ZNF99: variants seen among roughly 807,000 people sequenced by gnomAD.
ZNF99 encodes the protein zinc finger protein ENSP00000375192.
In ZNF99, 8 loss-of-function variants were observed where a neutral mutation model predicts 12.8. That is an observed-to-expected ratio of 0.62 (90% CI 0.37 to 1.13). The LOEUF is 1.13. Among genes scored for constraint, ZNF99 ranks in the 50% most tolerant of loss-of-function variants. The probability of loss-of-function intolerance (pLI) is 0.02; values close to 1 mark genes in which losing one functional copy is unlikely to be tolerated. For synonymous variants in ZNF99, 318 were observed against 319.0 expected (o/e 1.00, Z 0.03); for missense variants, 1,007 against 1,006.2 (o/e 1.00, Z -0.01).
intron 1 of ZNF99, among the ~76,000 whole-genome samples, chr19:22,769,754 C>A (rs1973245269): frequency 6.9e-6 from 1 of 144,892 alleles, no homozygotes; most frequent in African/African-American, 2.5e-5. Context: ...GAGCTAGACT[C>A]TGTCTCAAAA....
At position 22,759,298 on chromosome 19, in the gene ZNF99, T is replaced by A. The variant is rs1187120272; in HGVS notation, c.611A>T (p.Glu204Val). 1 of 1,549,792 alleles carries A rather than the reference T, an allele frequency of 6.5e-7. No individual in the cohort carries two copies. The change falls in exon 4 of 4, where the codon GAA becomes GTA. Residue 204 changes from glutamate (E) to valine (V), a missense_variant. By Grantham distance (121) the Glu-to-Val change is moderately radical. Transcript: ENST00000596209. The stretch of plus-strand genomic sequence containing the variant: ...CCATTTAAAGGCTTTGCCACGTTCT[T>A]CACATTTGTAGATATTCTCTCTAGT... ...IHTRENIYKC[E>V]ERGKAFKWFS...
intron 1 of ZNF99, among the ~76,000 whole-genome samples, chr19:22,780,556 T>C (rs564910564): frequency 6.6e-6 from 1 of 152,136 alleles, no homozygotes; most frequent in South Asian, 2.1e-4. Context: ...AGCGGCGTGG[T>C]GGCACATATC....
chr19:22,756,590 G>A lies in ZNF99; in HGVS notation c.*724C>T. 1.3e-6 allele frequency: 2 copies of A among 1,598,522 alleles called. No individual in the cohort carries two copies. The highest frequency in any genetic ancestry group is 1.7e-5 in the Admixed American group (1 of 59,460). On this transcript the variant is annotated 3_prime_UTR_variant, in exon 4 of 4. Coordinates refer to ENST00000596209, the MANE Select transcript of ZNF99 (RefSeq NM_001080409.3). ...TTATGTTTAGTAAGGTGTGAGGATT[G>A]CTTAAAAGCTTTGCCACATTCTTCA... is the stretch of plus-strand genomic sequence containing the variant.
intron 1 of ZNF99, among the ~76,000 whole-genome samples, chr19:22,776,529 T>C (rs1477545108): frequency 7.2e-6 from 1 of 138,028 alleles, no homozygotes; most frequent in Non-Finnish European, 1.6e-5. Context: ...CACAATGATA[T>C]ACCATCTCAT....
In ZNF99 at chr19:22,756,298, C is replaced by T. The variant is rs762738760; in HGVS notation, c.*1016G>A. 2 of 1,574,508 alleles carry T rather than the reference C, an allele frequency of 1.3e-6. No individual in the cohort carries two copies. Among genetic ancestry groups the T allele is most frequent in the Non-Finnish European group, 1.7e-6 (2 of 1,160,120 alleles). On this transcript the variant is annotated 3_prime_UTR_variant, in exon 4 of 4. Coordinates refer to ENST00000596209, the MANE Select transcript of ZNF99 (RefSeq NM_001080409.3). ...CACATTCTTCACATTTGTAGGTTTT[C>T]CCTCCAGTATGAATTGTTTTATGTT...
chr19:22,756,062 G>T lies in ZNF99; in HGVS notation c.*1252C>A. The stretch of plus-strand genomic sequence containing the variant: ...GTGGGGTTTCTCTCCAGCATGAATT[G>T]TTTTCTGCCTATTAAGGCTTGAGGA... On this transcript the variant is annotated 3_prime_UTR_variant, in exon 4 of 4. Transcript: ENST00000596209. 3.1e-6 allele frequency: 4 copies of T among 1,289,778 alleles called. No individual in the cohort carries two copies. Among genetic ancestry groups the T allele is most frequent in the South Asian group, 1.3e-5 (1 of 79,716 alleles). 79.9% of individuals were successfully genotyped at this position (1,289,778 alleles called of 1,614,324 possible).
intron 1 of ZNF99, among the ~76,000 whole-genome samples, chr19:22,780,306 T>G (rs187510644): frequency 3.3e-5 from 5 of 152,300 alleles, no homozygotes; most frequent in Non-Finnish European, 7.4e-5. Flanking sequence ...GGAAGGAAAT[T>G]TTAAGGTGCT....
rs775118650 is a variant in ZNF99 at position 22,759,180 on chromosome 19, C to CA, written c.728dup (p.Met243IlefsTer4). On this transcript the variant is annotated frameshift_variant, in exon 4 of 4. Coordinates refer to ENST00000596209, the MANE Select transcript of ZNF99 (RefSeq NM_001080409.3). LOFTEE classifies it low-confidence loss of function (END_TRUNC). ...TATGAATTATCTTACATTTAGTGAA[C>CA]ATTGAAGAGATGTTAAAAGCTTTGC... The CA allele has an allele frequency of 1.2e-5, 19 of 1,592,758 alleles. No individual in the cohort carries two copies. The East Asian group carries it at 3.4e-4, about 29-fold the overall frequency.
rs1973271377 is a variant in ZNF99 at position 22,771,612 on chromosome 19, C to T, written c.4-2288G>A. Among the ~76,000 whole-genome samples, 4 of 151,036 alleles carry T rather than the reference C, an allele frequency of 2.6e-5. No individual in the cohort carries two copies. In the Admixed American group the frequency reaches 2.7e-4, roughly 10 times the overall value. On this transcript the variant is annotated intron_variant, in intron 1 of 3. Transcript: ENST00000596209. ...AGCTAATGGAGAACACAGATGGAGC[C>T]TCAACATTACATGTTCTACTTTTTC...
chr19:22,776,708 C>A (rs891005061), intron 1 of ZNF99, among the ~76,000 whole-genome samples: 7 of 152,176 alleles, frequency 4.6e-5, no homozygotes, highest in Non-Finnish European at 1.0e-4. Context: ...GACCCGGCAA[C>A]CTCATAATTG....
chr19:22,758,214 G>T lies in ZNF99; in HGVS notation c.1695C>A (p.Tyr565Ter). 2 of 1,613,638 alleles carry T rather than the reference G, an allele frequency of 1.2e-6. No homozygotes were observed. The highest frequency in any genetic ancestry group is 1.7e-6 in the Non-Finnish European group (2 of 1,179,788). ...HKIIHTGKKP[Y>*]KCEECGKAFK... ...AAGCTTTGCCACATTCTTCACATTT[G>T]TATGGTTTCTTCCCAGTATGAATTA... Residue 565 changes from tyrosine to a stop codon, truncating the protein, a stop_gained, in exon 4 of 4, where the codon TAC becomes TAA. Transcript: ENST00000596209. LOFTEE classifies it low-confidence loss of function (END_TRUNC).
At chr19:22,771,672 T>C (rs986136017) in intron 1 of ZNF99, among the ~76,000 whole-genome samples, 1 of 149,812 alleles carries the variant, frequency 6.7e-6, no homozygotes, top group Non-Finnish European at 1.5e-5. Context: ...ATAGGAATCT[T>C]GAGTATCCAC....
chr19:22,754,736 G>A lies in ZNF99; in HGVS notation c.*2578C>T, dbSNP rs1464583962. 10 of 264,640 alleles carry A rather than the reference G, an allele frequency of 3.8e-5. No homozygotes were observed. The highest frequency in any genetic ancestry group is 2.4e-4 in the South Asian group (6 of 24,984). 16.4% of individuals were successfully genotyped at this position (264,640 alleles called of 1,614,324 possible). ...TTAAAAGCTTTGCAACATTCTTCACGTTTGTAGGGTTTCTCTTCAGTATAA... is the reference window on the plus strand; with the variant it reads ...TTAAAAGCTTTGCAACATTCTTCACATTTGTAGGGTTTCTCTTCAGTATAA... On this transcript the variant is annotated 3_prime_UTR_variant, in exon 4 of 4. Transcript: ENST00000596209.
At chr19:22,777,909 G>A (rs1021278982) in intron 1 of ZNF99, among the ~76,000 whole-genome samples, 3 of 151,534 alleles carry the variant, frequency 2.0e-5, no homozygotes, top group African/African-American at 7.3e-5. Flanking sequence ...GATGGCAGCA[G>A]TGGAAAAAGG....
Position 22,784,052 on chromosome 19 carries a change from T to G in ZNF99, c.-36A>C, listed in dbSNP as rs759292271. 43 of 1,612,994 alleles carry G rather than the reference T, an allele frequency of 2.7e-5. No individual in the cohort carries two copies. Among genetic ancestry groups the G allele is most frequent in the Non-Finnish European group, 3.6e-5 (42 of 1,179,594 alleles). ...CCAGGGGGTCCTGGCGTCCTAGCTG[T>G]GGATCTCCAAATACCTACAGGTCAC... On this transcript the variant is annotated 5_prime_UTR_variant, in exon 1 of 4. Transcript: ENST00000596209.
Position 22,758,161 on chromosome 19 carries a change from T to C in ZNF99, c.1748A>G (p.His583Arg), listed in dbSNP as rs551967128. 1.2e-5 allele frequency: 19 copies of C among 1,613,692 alleles called. No individual in the cohort carries two copies. The Admixed American group carries it at 2.3e-4, about 20-fold the overall frequency. The change falls in exon 4 of 4, where the codon CAT (histidine) becomes CGT (arginine). Residue 583 changes from histidine to arginine, a missense_variant. Physicochemically the swap from His to Arg is conservative, Grantham distance 29. Transcript: ENST00000596209. ...AFKQSSHLTRHKAIHTGEKPY... is the reference protein window; with the variant it reads ...AFKQSSHLTRRKAIHTGEKPY... ...TTTCTCCCCAGTATGAATTGCTTTA[T>C]GTCTAGTAAGATGTGAAGATTGCTT...
chr19:22,764,257 G>A (rs990102471), intron 3 of ZNF99, among the ~76,000 whole-genome samples: 3 of 151,982 alleles, frequency 2.0e-5, no homozygotes, highest in Non-Finnish European at 4.4e-5. Flanking sequence ...GCCACATGTA[G>A]GAGAATAAAA....
rs1470123339 is a variant in ZNF99, at chr19:22,752,890, C to T, written c.*4424G>A. The T allele has an allele frequency of 6.6e-6, 1 of 151,994 alleles. No homozygotes were observed. Among genetic ancestry groups the T allele is most frequent in the Non-Finnish European group, 1.5e-5 (1 of 67,960 alleles). The allele number at this position is 151,994 out of a possible 1,614,324, so 9.4% of individuals were successfully genotyped here. A position where few individuals can be genotyped will look rare whatever the true frequency, so the allele number is the denominator to read the frequency against. ...AAAATATATTCCTCAGAACACCTAC[C>T]TCATACATCACTCAATATTTTAAGT... On this transcript the variant is annotated 3_prime_UTR_variant, in exon 4 of 4. Coordinates refer to ENST00000596209, the MANE Select transcript of ZNF99 (RefSeq NM_001080409.3).
rs1478333537 is a variant in ZNF99, at chr19:22,754,062, C to G, written c.*3252G>C. On this transcript the variant is annotated 3_prime_UTR_variant, in exon 4 of 4. Coordinates refer to ENST00000596209, the MANE Select transcript of ZNF99 (RefSeq NM_001080409.3). The stretch of plus-strand genomic sequence containing the variant: ...GTATGATTTGATAACTTATTAAAAA[C>G]TTTGCCACATTCGACCGGGCTCAAT... 1 of 455,820 alleles carries G rather than the reference C, an allele frequency of 2.2e-6. No homozygotes were observed. The highest frequency in any genetic ancestry group is 6.9e-5 in the East Asian group (1 of 14,394). The allele number at this position is 455,820 out of a possible 1,614,324, so 28.2% of individuals were successfully genotyped here. A position where few individuals can be genotyped will look rare whatever the true frequency, so the allele number is the denominator to read the frequency against.
Sources: gnomAD v4.1 joint callset for allele counts (sites outside exome capture counted in the v4.1 genomes callset) on GRCh38, gnomAD v4.1.1 for gene constraint, MANE v1.5 for transcripts, NCBI Gene and HGNC (gene_info 2026-07-23, HGNC 2026-07-21) for gene names.